TRIML2: variants seen among roughly 807,000 people sequenced by gnomAD.
The protein encoded by TRIML2 is tripartite motif family like 2.
TRIML2 carries 28 observed loss-of-function variants against 31.2 expected under a neutral mutation model. The observed-to-expected ratio is 0.90, with a 90% CI of 0.66 to 1.23. The LOEUF (loss-of-function observed/expected upper bound fraction) is 1.23. Among genes scored for constraint, TRIML2 ranks in the 50% most tolerant of loss-of-function variants. The probability of loss-of-function intolerance (pLI) is 0.00; values close to 1 mark genes in which losing one functional copy is unlikely to be tolerated. For missense variants in TRIML2, 536 were observed against 528.3 expected (o/e 1.01, Z -0.14); for synonymous variants, 187 against 197.5 (o/e 0.95, Z 0.45).
At chr4:188,106,274 A>C (rs916461248) in intron 1 of TRIML2, among the ~76,000 whole-genome samples, 3 of 151,934 alleles carry the variant, frequency 2.0e-5, no homozygotes, top group Admixed American at 2.0e-4. Flanking sequence ...GATGGTCTCG[A>C]TCTCCTGACC....
intron 5 of TRIML2, 162 bp downstream of exon 5, chr4:188,098,873 A>T: frequency 1.3e-6 from 1 of 761,840 alleles, no homozygotes; most frequent in Non-Finnish European, 2.0e-6. Context: ...AGCTATGACC[A>T]TTCCTAAAGC....
At chr4:188,101,696 AAAAC>A (rs763648527) in intron 3 of TRIML2, among the ~76,000 whole-genome samples, 6 of 151,942 alleles carry the variant, frequency 3.9e-5, no homozygotes, top group African/African-American at 9.7e-5. Flanking sequence ...CTGTCTCAAA[AAAAC>A]AAACAAACAA....
chr4:188,096,142 T>C (rs1215094132), intron 7 of TRIML2, among the ~76,000 whole-genome samples: 2 of 152,192 alleles, frequency 1.3e-5, no homozygotes, highest in African/African-American at 4.8e-5. Context: ...CTCACGCCTG[T>C]AATCCCAGCA....
At chr4:188,108,352 A>G (rs904464156) in intron 1 of TRIML2, among the ~76,000 whole-genome samples, 2 of 152,110 alleles carry the variant, frequency 1.3e-5, no homozygotes, top group African/African-American at 4.8e-5. Context: ...CAGGATCTCA[A>G]CCCAGTGGCT....
intron 7 of TRIML2, 59 bp from the exon 8 acceptor site, chr4:188,092,000 A>G: frequency 6.5e-6 from 10 of 1,527,346 alleles, no homozygotes; most frequent in Non-Finnish European, 8.8e-6. Flanking sequence ...TGCCAGAGAC[A>G]TGATTTCTAA....
At chr4:188,103,624 T>G (rs1733900063) in intron 3 of TRIML2, among the ~76,000 whole-genome samples, 1 of 152,182 alleles carries the variant, frequency 6.6e-6, no homozygotes, top group Non-Finnish European at 1.5e-5. Flanking sequence ...TCTGATCACT[T>G]TATTTACAAG....
In TRIML2 at chr4:188,105,566, C is replaced by T; in HGVS notation, c.-198G>A. 1 of 427,206 alleles carries T rather than the reference C, an allele frequency of 2.3e-6. No individual in the cohort carries two copies. The highest frequency in any genetic ancestry group is 4.2e-6 in the Non-Finnish European group (1 of 239,474). The allele number at this position is 427,206 out of a possible 1,614,324, so 26.5% of individuals were successfully genotyped here. A position where few individuals can be genotyped will look rare whatever the true frequency, so the allele number is the denominator to read the frequency against. On this transcript the variant is annotated 5_prime_UTR_variant, in exon 2 of 8. Coordinates refer to ENST00000682553, the MANE Select transcript of TRIML2 (RefSeq NM_173553.4). Reference sequence around the variant, plus strand: ...GGTCGGCGCTCTGGACTCCTCAAATCCAACAAATTTCTGGCAGCTGCCTGC... The same window carrying T: ...GGTCGGCGCTCTGGACTCCTCAAATTCAACAAATTTCTGGCAGCTGCCTGC...
rs1366005949 is a variant in TRIML2 at position 188,105,402 on chromosome 4, T to C, written c.-34A>G. The C allele has an allele frequency of 6.7e-7, 1 of 1,490,038 alleles. No individual in the cohort carries two copies. The highest frequency in any genetic ancestry group is 9.1e-7 in the Non-Finnish European group (1 of 1,104,856). The allele number at this position is 1,490,038 out of a possible 1,614,324, so 92.3% of individuals were successfully genotyped here. ...GGGTCCCTAGTTGAAGACTGGACTG[T>C]ATGCTTCTACTGAGGTATCTCCCTG... On this transcript the variant is annotated 5_prime_UTR_variant, in exon 2 of 8. The change creates a new upstream start codon in the 5' untranslated region. Transcript: ENST00000682553.
chr4:188,094,711 C>T (rs28805909), intron 7 of TRIML2, among the ~76,000 whole-genome samples: 12,466 of 152,226 alleles, frequency 0.082, 1,195 homozygotes, highest in African/African-American at 0.23. Context: ...TCTCCCCAAA[C>T]TGATCAACGG....
intron 1 of TRIML2, chr4:188,106,739 C>A: frequency 1.1e-5 from 2 of 187,132 alleles, no homozygotes; most frequent in South Asian, 1.1e-4. Flanking sequence ...AAGTGGGAGG[C>A]CCCGACTGCC....
chr4:188,098,732 T>C, intron 5 of TRIML2: 1 of 321,986 alleles, frequency 3.1e-6, no homozygotes, highest in Non-Finnish European at 5.8e-6. Context: ...GCTGTTTTAT[T>C]CTTTATGATC....
chr4:188,106,483 T>C (rs6858646), intron 1 of TRIML2: 61,740 of 151,352 alleles, frequency 0.41, 12,683 homozygotes, highest in African/African-American at 0.49. Context: ...GGTCTGGCCG[T>C]GAGCGCCCTC....
rs778973699 is a variant in TRIML2 at position 188,091,926 on chromosome 4, T to C, written c.761A>G (p.Asp254Gly). ...CAGGCAGGGATGAGCTGTTTCAGGA[T>C]CCAATGTTAAATGTCCTATCAGGAG... Reference protein sequence around the residue: ...FRVLQRHLTLDPETAHPCLAL... With the variant: ...FRVLQRHLTLGPETAHPCLAL... Residue 254 changes from aspartate (D) to glycine (G), a missense_variant, in exon 8 of 8, where the codon GAT becomes GGT. Transcript: ENST00000682553. The C allele has an allele frequency of 6.2e-7, 1 of 1,610,050 alleles. No individual in the cohort carries two copies. The highest frequency in any genetic ancestry group is 8.5e-7 in the Non-Finnish European group (1 of 1,179,660).
At position 188,091,367 on chromosome 4, in the gene TRIML2, A is replaced by G; in HGVS notation, c.*6T>C. 6.2e-7 allele frequency: 1 copy of G among 1,604,608 alleles called. No individual in the cohort carries two copies. The highest frequency in any genetic ancestry group is 8.5e-7 in the Non-Finnish European group (1 of 1,173,362). On this transcript the variant is annotated 3_prime_UTR_variant, in exon 8 of 8. Transcript: ENST00000682553. ...TCTCGTGGTCTTGGATTTTACACAC[A>G]GAAGATTAAGGGCTAACAGTAGCAT...
Position 188,091,513 on chromosome 4 carries a change from T to G in TRIML2, c.1174A>C (p.Ile392Leu), listed in dbSNP as rs143355008. ...SFYNVTEMSL[I>L]YNFSHCAFQG... Reference sequence around the variant, plus strand: ...AAGGCGCAATGGGAGAAATTGTAAATGAGGGACATCTCGGTCACATTGTAG... The same window carrying G: ...AAGGCGCAATGGGAGAAATTGTAAAGGAGGGACATCTCGGTCACATTGTAG... The change falls in exon 8 of 8, where the codon ATT (isoleucine) becomes CTT (leucine). Residue 392 changes from isoleucine (I) to leucine (L), a missense_variant. By Grantham distance (5) the Ile-to-Leu change is conservative. Transcript: ENST00000682553. 307 of 1,613,996 alleles carry G rather than the reference T, an allele frequency of 1.9e-4. 1 individual carries two copies. Among genetic ancestry groups the G allele is most frequent in the Non-Finnish European group, 2.5e-4 (294 of 1,180,038 alleles).
intron 6 of TRIML2, 37 bp from the exon 7 acceptor site, chr4:188,097,198 C>A: frequency 6.2e-7 from 1 of 1,601,786 alleles, no homozygotes; most frequent in South Asian, 1.1e-5. Flanking sequence ...TCTGCACAGA[C>A]CACAGGCCCC....
At chr4:188,097,023 G>A (rs200095876) in intron 7 of TRIML2, 38 bp downstream of exon 7, 2 of 1,412,370 alleles carry the variant, frequency 1.4e-6, no homozygotes, top group South Asian at 2.3e-5. Context: ...CTCAAATGCA[G>A]AACAGTGCCC....
chr4:188,092,492 A>AC (rs1733312407), intron 7 of TRIML2, among the ~76,000 whole-genome samples: 1 of 146,530 alleles, frequency 6.8e-6, no homozygotes, highest in African/African-American at 2.5e-5. Flanking sequence ...AAACAAACAA[A>AC]AAACAGCTTC....
chr4:188,091,605 A>G lies in TRIML2; in HGVS notation c.1082T>C (p.Leu361Pro), dbSNP rs918815795. The G allele has an allele frequency of 2.5e-6, 4 of 1,614,148 alleles. No homozygotes were observed. Among genetic ancestry groups the G allele is most frequent in the Non-Finnish European group, 3.4e-6 (4 of 1,180,016 alleles). The change falls in exon 8 of 8, where the codon CTC becomes CCC. Residue 361 changes from leucine to proline, a missense_variant. Physicochemically the swap from Leu to Pro is moderately conservative, Grantham distance 98. Coordinates refer to ENST00000682553, the MANE Select transcript of TRIML2 (RefSeq NM_173553.4). ...TGTGTCCAACTTCTTTTCCAGGAAG[A>G]GCCTTTTCAGAGGGGGGAAGACCCA... Reference protein sequence around the residue: ...TLWVFPPLKRLFLEKKLDTVG... With the variant: ...TLWVFPPLKRPFLEKKLDTVG...
Sources: allele counts gnomAD v4.1 joint callset (sites outside exome capture counted in the v4.1 genomes callset), GRCh38; gene constraint gnomAD v4.1.1; transcripts MANE v1.5; gene names NCBI Gene and HGNC (gene_info 2026-07-23, HGNC 2026-07-21).